ENOX2: variants seen among roughly 807,000 people sequenced by gnomAD.
The protein encoded by ENOX2 is APK1 antigen.
Under a neutral mutation model 45.0 loss-of-function variants are expected in ENOX2, and 36 were observed. The ratio of observed to expected loss-of-function variants is 0.80; its 90% CI spans 0.61 to 1.06. The LOEUF (loss-of-function observed/expected upper bound fraction) is 1.06, where lower values mean the gene tolerates loss of function less well. ENOX2 is among the 50% of genes least tolerant of loss of function. The pLI is 0.00. For synonymous variants in ENOX2, 174 were observed against 152.3 expected (o/e 1.14, Z -1.05); for missense variants, 423 against 462.5 (o/e 0.91, Z 0.78).
chrX:130,730,709 T>C (rs1426475483), intron 3 of ENOX2, among the ~76,000 whole-genome samples: 1 of 106,894 alleles, frequency 9.4e-6, no homozygotes, highest in African/African-American at 3.4e-5. Flanking sequence ...AAGATTGACA[T>C]TGGTTTGATC....
intron 4 of ENOX2, among the ~76,000 whole-genome samples, chrX:130,697,468 A>C (rs2037793212): frequency 8.9e-6 from 1 of 112,333 alleles, no homozygotes; most frequent in African/African-American, 3.2e-5. Flanking sequence ...ATAGATTTTC[A>C]ATGAATGGAT....
chrX:130,792,415 A>T (rs902312159), intron 2 of ENOX2, among the ~76,000 whole-genome samples: 1 of 112,768 alleles, frequency 8.9e-6, no homozygotes, highest in African/African-American at 3.2e-5. Context: ...TTTTTAAAAA[A>T]GAAAAGGCAA....
At chrX:130,837,331 C>A (rs1458550098) in intron 2 of ENOX2, among the ~76,000 whole-genome samples, 1 of 111,905 alleles carries the variant, frequency 8.9e-6, no homozygotes, top group Non-Finnish European at 1.9e-5. Flanking sequence ...AGAAGTGAAG[C>A]CTTTCTACTA....
intron 10 of ENOX2, among the ~76,000 whole-genome samples, chrX:130,643,751 G>T (rs973945176): frequency 8.9e-6 from 1 of 112,150 alleles, no homozygotes; most frequent in African/African-American, 3.2e-5. Flanking sequence ...GGAGAGTTTA[G>T]CTCCCTTCTA....
chrX:130,729,555 C>G (rs956129917), intron 3 of ENOX2, among the ~76,000 whole-genome samples: 1 of 111,669 alleles, frequency 9.0e-6, no homozygotes, highest in African/African-American at 3.3e-5. Flanking sequence ...ATAATACTGT[C>G]TCTCCAAAGC....
intron 4 of ENOX2, among the ~76,000 whole-genome samples, chrX:130,702,531 T>G (rs1303787664): frequency 8.9e-6 from 1 of 112,174 alleles, no homozygotes; most frequent in Non-Finnish European, 1.9e-5. Context: ...TCCAGGAAGC[T>G]TTTTTGTGTC....
At chrX:130,800,109 T>C (rs868042877) in intron 2 of ENOX2, among the ~76,000 whole-genome samples, 1 of 110,846 alleles carries the variant, frequency 9.0e-6, no homozygotes, top group South Asian at 3.8e-4. Context: ...ATGCCCAGTA[T>C]GGTAGGAATA....
chrX:130,643,698 G>C (rs764711617), intron 10 of ENOX2, among the ~76,000 whole-genome samples: 1 of 111,849 alleles, frequency 8.9e-6, no homozygotes, highest in Non-Finnish European at 1.9e-5. Flanking sequence ...GTGAATAACT[G>C]ATACGACTGC....
intron 4 of ENOX2, among the ~76,000 whole-genome samples, chrX:130,689,856 C>A (rs1033716848): frequency 1.2e-4 from 13 of 111,506 alleles, no homozygotes; most frequent in African/African-American, 4.2e-4. Flanking sequence ...TGGGGCCTAT[C>A]TACGTACATG....
intron 3 of ENOX2, among the ~76,000 whole-genome samples, chrX:130,737,013 T>C (rs1302138179): frequency 8.9e-6 from 1 of 111,969 alleles, no homozygotes; most frequent in Non-Finnish European, 1.9e-5. Flanking sequence ...GTGACCTTAG[T>C]TAGAACCAGA....
chrX:130,762,277 T>C (rs2039509843), intron 3 of ENOX2, among the ~76,000 whole-genome samples: 1 of 112,401 alleles, frequency 8.9e-6, no homozygotes, highest in Non-Finnish European at 1.9e-5. Context: ...TTCAGTTCAA[T>C]GTGTTTTTAA....
At chrX:130,814,233 A>G (rs1005416443) in intron 2 of ENOX2, among the ~76,000 whole-genome samples, 1 of 112,461 alleles carries the variant, frequency 8.9e-6, no homozygotes, top group Non-Finnish European at 1.9e-5. Context: ...AAAGAAAGGC[A>G]GCAGCCCCAG....
At chrX:130,656,336 G>A (rs1226022692) in intron 10 of ENOX2, among the ~76,000 whole-genome samples, 1 of 112,224 alleles carries the variant, frequency 8.9e-6, no homozygotes, top group Admixed American at 9.4e-5. Context: ...GCGCTTTTTG[G>A]AAAAGAAAGT....
At chrX:130,636,264 G>A (rs970906341) in intron 11 of ENOX2, among the ~76,000 whole-genome samples, 2 of 112,249 alleles carry the variant, frequency 1.8e-5, no homozygotes, top group African/African-American at 6.5e-5. Context: ...TAACAGAAAA[G>A]GTGAAATATT....
intron 2 of ENOX2, among the ~76,000 whole-genome samples, chrX:130,796,448 C>T (rs1272045358): frequency 8.9e-6 from 1 of 111,999 alleles, no homozygotes; most frequent in African/African-American, 3.3e-5. Context: ...TGCCAGGAAA[C>T]AGCAGTAAAT....
chrX:130,901,244 T>C (rs2079139384), intron 2 of ENOX2, among the ~76,000 whole-genome samples: 1 of 112,459 alleles, frequency 8.9e-6, no homozygotes, highest in Non-Finnish European at 1.9e-5. Flanking sequence ...GAAAGAACAT[T>C]GGGAGCAGCA....
rs1490085086 is a variant in ENOX2 at position 130,755,635 on chromosome X, A to G, written c.-39+27912T>C. Among the ~76,000 whole-genome samples the G allele has an allele frequency of 2.7e-5, 3 of 110,926 alleles. No individual in the cohort carries two copies. The East Asian group carries it at 8.5e-4, about 31-fold the overall frequency. On this transcript the variant is annotated intron_variant, in intron 3 of 14. Coordinates refer to ENST00000394363, the MANE Select transcript of ENOX2 (RefSeq NM_006375.4). ...TAGTAGGTATATTTATTTATAGGGT[A>G]CATGAGACATTTGGATATAGGGATG... is the stretch of plus-strand genomic sequence containing the variant.
chrX:130,894,200 A>C (rs1275957227), intron 2 of ENOX2, among the ~76,000 whole-genome samples: 2 of 111,648 alleles, frequency 1.8e-5, no homozygotes, highest in East Asian at 5.7e-4. Flanking sequence ...GCCAAATTAG[A>C]AAGTGGACTT....
intron 11 of ENOX2, among the ~76,000 whole-genome samples, chrX:130,636,429 T>C (rs1442535485): frequency 2.7e-5 from 3 of 112,321 alleles, no homozygotes; most frequent in African/African-American, 9.7e-5. Flanking sequence ...TTAAAAACTA[T>C]TGCACAATTT....
Sources: gnomAD v4.1 joint callset for allele counts (sites outside exome capture counted in the v4.1 genomes callset) on GRCh38, gnomAD v4.1.1 for gene constraint, MANE v1.5 for transcripts, NCBI Gene and HGNC (gene_info 2026-07-23, HGNC 2026-07-21) for gene names.